NBEAL1: variants seen among roughly 807,000 people sequenced by gnomAD.
NBEAL1 encodes neurobeachin-like protein 1.
In NBEAL1, 273 loss-of-function variants were observed where a neutral mutation model predicts 351.3. The ratio of observed to expected loss-of-function variants is 0.78; its 90% confidence interval spans 0.70 to 0.86. The LOEUF (loss-of-function observed/expected upper bound fraction) is 0.86, where lower values mean the gene tolerates loss of function less well. Among genes scored for constraint, NBEAL1 ranks in the 40% least tolerant of loss-of-function variants. The probability of loss-of-function intolerance (pLI) is 0.00; values close to 1 mark genes in which losing one functional copy is unlikely to be tolerated. For missense variants in NBEAL1, 2,961 were observed against 3,201.3 expected, an observed-to-expected ratio of 0.92 and a Z score of 1.81; for synonymous variants, 1,050 against 1,086.4, an observed-to-expected ratio of 0.97 and a Z score of 0.66.
At chr2:203,110,448 A>G (rs2062541462) in intron 15 of NBEAL1, among the ~76,000 whole-genome samples, 166 bp downstream of exon 15, 1 of 152,066 alleles carries the variant, frequency 6.6e-6, no homozygotes, top group South Asian at 2.1e-4. Context: ...CAAAGCAGGC[A>G]GATAACTTGA....
At chr2:203,122,110 C>T in intron 18 of NBEAL1, 144 bp from the exon 19 acceptor site, 1 of 522,690 alleles carries the variant, frequency 1.9e-6, no homozygotes, top group Admixed American at 4.2e-5. Flanking sequence ...TAAAACAGAA[C>T]AGCAATACTA....
At chr2:203,072,035 G>A (rs1226178743) in intron 7 of NBEAL1, among the ~76,000 whole-genome samples, 1 of 152,132 alleles carries the variant, frequency 6.6e-6, no homozygotes, top group Non-Finnish European at 1.5e-5. Flanking sequence ...AGGTCATCCT[G>A]GCCCACTGAA....
At chr2:203,060,665 A>G (rs1218458866) in intron 6 of NBEAL1, among the ~76,000 whole-genome samples, 3 of 152,212 alleles carry the variant, frequency 2.0e-5, no homozygotes, top group African/African-American at 4.8e-5. Flanking sequence ...TTTTCTTGCG[A>G]AAGTGGAAAT....
In NBEAL1 at chr2:203,217,495, A is replaced by G. The variant is rs2065909721; in HGVS notation, c.*141A>G. 3 of 1,293,786 alleles carry G rather than the reference A, an allele frequency of 2.3e-6. No homozygotes were observed. The highest frequency in any genetic ancestry group is 2.9e-6 in the Non-Finnish European group (3 of 1,018,598). The allele number at this position is 1,293,786 out of a possible 1,614,324, so 80.1% of individuals were successfully genotyped here. ...ACAGATAACCACAATTTGCTGTGGT[A>G]TATAAACTAATTCTTGGTCTATACT... On this transcript the variant is annotated 3_prime_UTR_variant, in exon 56 of 56. Transcript: ENST00000683969.
chr2:203,152,242 G>A (rs1349511007), intron 35 of NBEAL1, among the ~76,000 whole-genome samples: 1 of 151,376 alleles, frequency 6.6e-6, no homozygotes, highest in Non-Finnish European at 1.5e-5. Flanking sequence ...ACAGGTGTGA[G>A]CCACCGCACC....
rs57126638 is a variant in NBEAL1 at position 203,119,424 on chromosome 2, C to CTTTTTTTTTTTTTTTTTTTTTTTTT, written c.2593-2810_2593-2809insTTTTTTTTTTTTTTTTTTTTTTTTT. On this transcript the variant is annotated intron_variant, in intron 18 of 55. Coordinates refer to ENST00000683969, the MANE Select transcript of NBEAL1 (RefSeq NM_001378026.1). Reference sequence around the variant, plus strand: ...GTGAGCCACTGCATACGGCCTGTTGCTTTTTTTTTTTTTTTTTTTTGAGAC... The same window carrying CTTTTTTTTTTTTTTTTTTTTTTTTT: ...GTGAGCCACTGCATACGGCCTGTTGCTTTTTTTTTTTTTTTTTTTTTTTTTTTTTTTTTTTTTTTTTTTTTGAGAC... Among the ~76,000 whole-genome samples, 111 of 66,658 alleles carry CTTTTTTTTTTTTTTTTTTTTTTTTT rather than the reference C, an allele frequency of 1.7e-3. 35 individuals are homozygous for CTTTTTTTTTTTTTTTTTTTTTTTTT. The highest frequency in any genetic ancestry group is 4.9e-3 in the East Asian group (7 of 1,432). 43.7% of individuals were successfully genotyped at this position (66,658 alleles called of 152,430 possible). A position where few individuals can be genotyped will look rare whatever the true frequency, so the allele number is the denominator to read the frequency against.
At chr2:203,156,360 G>C (rs1575057996) in intron 35 of NBEAL1, among the ~76,000 whole-genome samples, 1 of 152,270 alleles carries the variant, frequency 6.6e-6, no homozygotes, top group East Asian at 1.9e-4. Flanking sequence ...CCTCCTTGCT[G>C]CAGTCCATCC....
intron 18 of NBEAL1, among the ~76,000 whole-genome samples, chr2:203,120,361 T>G (rs2062801881): frequency 6.6e-6 from 1 of 152,200 alleles, no homozygotes. Context: ...ATTTATATCC[T>G]TAACTAATAT....
At chr2:203,098,587 A>C (rs1387452181) in intron 11 of NBEAL1, among the ~76,000 whole-genome samples, 1 of 152,098 alleles carries the variant, frequency 6.6e-6, no homozygotes, top group African/African-American at 2.4e-5. Flanking sequence ...AATATTCTTG[A>C]TGTTAGTTTT....
In NBEAL1 at chr2:203,188,463, T is replaced by A; in HGVS notation, c.6706-9T>A. On this transcript the variant is annotated splice_polypyrimidine_tract_variant and intron_variant, in intron 44 of 55. Transcript: ENST00000683969. ...TCTATATTAATTATTAAATTTATTC[T>A]TTTTCTAGGAGTCTGAATATGTTTC... 1 of 1,449,722 alleles carries A rather than the reference T, an allele frequency of 6.9e-7. No individual in the cohort carries two copies. Among genetic ancestry groups the A allele is most frequent in the Non-Finnish European group, 9.3e-7 (1 of 1,076,974 alleles). 89.8% of individuals were successfully genotyped at this position (1,449,722 alleles called of 1,614,324 possible).
chr2:203,127,018 G>A, intron 23 of NBEAL1, 92 bp downstream of exon 23: 1 of 868,138 alleles, frequency 1.2e-6, no homozygotes, highest in East Asian at 2.7e-5. Context: ...CTCTTTACCA[G>A]CGATTCTAGT....
chr2:203,031,973 C>T (rs750149215), intron 2 of NBEAL1, among the ~76,000 whole-genome samples: 11 of 152,030 alleles, frequency 7.2e-5, no homozygotes, highest in Middle Eastern at 3.2e-3. Flanking sequence ...ATGTCATTTC[C>T]GAAATTAGGC....
chr2:203,157,656 G>A, intron 35 of NBEAL1, 43 bp from the exon 36 acceptor site: 2 of 1,464,846 alleles, frequency 1.4e-6, no homozygotes, highest in Non-Finnish European at 1.8e-6. Context: ...CTATAATATT[G>A]TTTTTTACTT....
intron 2 of NBEAL1, among the ~76,000 whole-genome samples, chr2:203,028,533 A>G (rs1440983128): frequency 4.0e-5 from 6 of 151,662 alleles, no homozygotes; most frequent in African/African-American, 9.7e-5. Flanking sequence ...AATTATTAAT[A>G]TATTTAATTT....
chr2:203,152,802 C>T (rs1350069728), intron 35 of NBEAL1, among the ~76,000 whole-genome samples: 3 of 151,476 alleles, frequency 2.0e-5, no homozygotes, highest in South Asian at 2.1e-4. Flanking sequence ...TTTGGGAGGC[C>T]GCGGCAGCAG....
intron 2 of NBEAL1, among the ~76,000 whole-genome samples, chr2:203,041,438 G>A (rs1201581745): frequency 6.6e-6 from 1 of 152,182 alleles, no homozygotes; most frequent in Non-Finnish European, 1.5e-5. Context: ...AGTCCTTAGG[G>A]TGGGAGCATG....
chr2:203,132,934 C>A, intron 26 of NBEAL1, 124 bp from the exon 27 acceptor site: 1 of 565,620 alleles, frequency 1.8e-6, no homozygotes, highest in Non-Finnish European at 3.1e-6. Flanking sequence ...AAAATTTGAA[C>A]ATACCTATAA....
intron 7 of NBEAL1, among the ~76,000 whole-genome samples, chr2:203,077,260 C>T (rs2061791789): frequency 6.6e-6 from 1 of 151,918 alleles, no homozygotes; most frequent in Non-Finnish European, 1.5e-5. Flanking sequence ...ATCCCAGCTA[C>T]TCCGGAGGCT....
At chr2:203,152,877 A>C (rs535446288) in intron 35 of NBEAL1, among the ~76,000 whole-genome samples, 1 of 151,314 alleles carries the variant, frequency 6.6e-6, no homozygotes, top group South Asian at 2.1e-4. Flanking sequence ...GTCTCTACTA[A>C]AAATACAAAA....
Sources: gnomAD v4.1 joint callset for allele counts (sites outside exome capture counted in the v4.1 genomes callset) on GRCh38, gnomAD v4.1.1 for gene constraint, MANE v1.5 for transcripts, NCBI Gene and HGNC (gene_info 2026-07-23, HGNC 2026-07-21) for gene names.